Variants in PHF19 observed in about 807,000 individuals in gnomAD.
The protein encoded by PHF19 is PHD finger protein 19, also known as polycomb like 3.
Under a neutral mutation model 79.8 loss-of-function variants are expected in PHF19, and 21 were observed. The observed-to-expected ratio is 0.26, with a 90% CI of 0.19 to 0.38. The LOEUF (loss-of-function observed/expected upper bound fraction) is 0.38, where lower values mean the gene tolerates loss of function less well. Among genes scored for constraint, PHF19 ranks in the 10% least tolerant of loss-of-function variants. PHF19 has a pLI of 1.00. For missense variants in PHF19, 445 were observed against 744.2 expected (o/e 0.60, Z 4.68); for synonymous variants, 273 against 296.3 (o/e 0.92, Z 0.81).
At chr9:120,878,686 C>T (rs2131578643), upstream of PHF19, among the ~76,000 whole-genome samples, 1 of 152,330 alleles carries the variant, frequency 6.6e-6, no homozygotes, top group Non-Finnish European at 1.5e-5. Context: ...CCCCTGCTCT[C>T]ACCTGCCTCA....
At chr9:120,888,034 ACG>A (rs1300791126) in intron 1 of PHF19, among the ~76,000 whole-genome samples, 54 of 152,256 alleles carry the variant, frequency 3.5e-4, no homozygotes, top group Non-Finnish European at 5.7e-4. Flanking sequence ...GTGCAGTCGC[ACG>A]ATCTCAGCTC....
chr9:120,856,138 TG>T lies in PHF19; in HGVS notation c.*1805del, dbSNP rs955685497. ...TAGTTGGCCCCTGTGGCAGCAGCTG[TG>T]GGGCTGAAAAGGGGGAAGAACTGGG... On this transcript the variant is annotated 3_prime_UTR_variant, in exon 15 of 15. Transcript: ENST00000373896. 2 of 152,650 alleles carry T rather than the reference TG, an allele frequency of 1.3e-5. No individual in the cohort carries two copies. Among genetic ancestry groups the T allele is most frequent in the Non-Finnish European group, 1.5e-5 (1 of 68,142 alleles). 9.5% of individuals were successfully genotyped at this position (152,650 alleles called of 1,614,324 possible).
At chr9:120,898,092 T>A (rs1297579617), upstream of PHF19, among the ~76,000 whole-genome samples, 1 of 152,158 alleles carries the variant, frequency 6.6e-6, no homozygotes, top group Admixed American at 6.5e-5. Flanking sequence ...ACATTTCACG[T>A]GTTGTGTGAG....
At chr9:120,877,749 T>C (rs2046110292), upstream of PHF19, among the ~76,000 whole-genome samples, 2 of 152,140 alleles carry the variant, frequency 1.3e-5, no homozygotes, top group African/African-American at 2.4e-5. Flanking sequence ...ACAAGTATAA[T>C]GTAGATACAC....
At chr9:120,888,729 G>A (rs923019777) in intron 1 of PHF19, among the ~76,000 whole-genome samples, 11 of 152,206 alleles carry the variant, frequency 7.2e-5, no homozygotes, top group African/African-American at 2.7e-4. Flanking sequence ...ATGAACAAGA[G>A]GCTGGAGAAC....
rs116006797 is a variant in PHF19 at position 120,883,480 on chromosome 9, C to T, written c.43-8724G>A. 5.3e-3 allele frequency among the ~76,000 whole-genome samples: 807 copies of T among 152,296 alleles called. 4 individuals are homozygous for T. The highest frequency in any genetic ancestry group is 0.018 in the African/African-American group (758 of 41,556). ...GATCTCAGGAAGCTCCCGGTCCAGC[C>T]GGGCACGGTGGCTCATGCCTGAAAT... On this transcript the variant is annotated intron_variant, in intron 1 of 14. Transcript: ENST00000616568.
intron 1 of PHF19, among the ~76,000 whole-genome samples, chr9:120,882,750 G>A (rs953594723): frequency 2.1e-4 from 32 of 150,694 alleles, no homozygotes; most frequent in African/African-American, 7.6e-4. Flanking sequence ...GCTGAGGCAG[G>A]AGAATCTCTT....
At chr9:120,858,534 G>A (rs982873179) in intron 14 of PHF19, among the ~76,000 whole-genome samples, 1 of 152,102 alleles carries the variant, frequency 6.6e-6, no homozygotes, top group African/African-American at 2.4e-5. Context: ...GGAAACTGAG[G>A]GTCCAGAGGA....
chr9:120,894,457 G>A (rs1267931111), intron 1 of PHF19, among the ~76,000 whole-genome samples: 7 of 152,204 alleles, frequency 4.6e-5, no homozygotes, highest in African/African-American at 1.7e-4. Flanking sequence ...CGGAATCCTT[G>A]GGATTCTGGC....
chr9:120,877,633 C>CA (rs2046108221), upstream of PHF19, among the ~76,000 whole-genome samples: 1 of 152,194 alleles, frequency 6.6e-6, no homozygotes, highest in Non-Finnish European at 1.5e-5. Context: ...CACAGACACA[C>CA]AGCAGGGCGG....
upstream of PHF19, among the ~76,000 whole-genome samples, chr9:120,879,325 A>G (rs907398104): frequency 1.4e-4 from 21 of 152,230 alleles, no homozygotes; most frequent in African/African-American, 5.1e-4. Context: ...GATGAGAGAC[A>G]AGGAACTGGC....
Position 120,862,677 on chromosome 9 carries a change from C to A in PHF19, c.1041G>T (p.Pro347=), listed in dbSNP as rs548342099. The change falls in exon 11 of 15, where the codon CCG becomes CCT. Residue 347 remains proline, a synonymous_variant. Transcript: ENST00000373896. The surrounding 1 kb of genome is among the most constrained non-coding windows in gnomAD (Gnocchi z 4.6). ...CTTTGTCAGGCAGCAGCTTCCCTGG[C>A]GGGTTGGGTGGGACGCGGATGCGCA... ...FRLRIRVPPN[P]PGKLLPDKGL... 2.5e-6 allele frequency: 4 copies of A among 1,614,170 alleles called. No homozygotes were observed. Among genetic ancestry groups the A allele is most frequent in the South Asian group, 1.1e-5 (1 of 91,082 alleles).
chr9:120,890,043 C>G (rs1330875854), intron 1 of PHF19, among the ~76,000 whole-genome samples: 1 of 152,164 alleles, frequency 6.6e-6, no homozygotes, highest in Non-Finnish European at 1.5e-5. Context: ...ATTTTGAGCC[C>G]TGGAGGGCAG....
chr9:120,860,285 G>A lies in PHF19; in HGVS notation c.1305-100C>T, dbSNP rs1283783694. ...CCTAACATGCATCCTTCATCCCAGT[G>A]GAGGCCCGTCTTCCCACAGCTGAGC... On this transcript the variant is annotated intron_variant, in intron 13 of 14. Transcript: ENST00000373896. The surrounding 1 kb of genome is among the most constrained non-coding windows in gnomAD (Gnocchi z 4.1). 2 of 689,206 alleles carry A rather than the reference G, an allele frequency of 2.9e-6. No individual in the cohort carries two copies. The highest frequency in any genetic ancestry group is 5.3e-6 in the Non-Finnish European group (2 of 375,756). The allele number at this position is 689,206 out of a possible 1,614,324, so 42.7% of individuals were successfully genotyped here.
intron 6 of PHF19, among the ~76,000 whole-genome samples, chr9:120,867,879 A>G (rs1388372460): frequency 1.3e-5 from 2 of 152,186 alleles, no homozygotes; most frequent in South Asian, 2.1e-4. Context: ...TCCTTCCACA[A>G]TGCCACGTGC....
At chr9:120,888,099 A>G (rs529832306) in intron 1 of PHF19, among the ~76,000 whole-genome samples, 1 of 152,282 alleles carries the variant, frequency 6.6e-6, no homozygotes, top group South Asian at 2.1e-4. Context: ...CAGCCTCCCA[A>G]GTAGCTGGGA....
At chr9:120,864,512 G>C (rs529200564) in intron 9 of PHF19, among the ~76,000 whole-genome samples, 1 of 152,116 alleles carries the variant, frequency 6.6e-6, no homozygotes, top group Admixed American at 6.6e-5. Flanking sequence ...AAGGAAACAA[G>C]TAAACTATGG....
At chr9:120,902,136 T>C in the PHF19 span, among the ~76,000 whole-genome samples, 5 of 152,226 alleles carry the variant, frequency 3.3e-5, no homozygotes, top group Non-Finnish European at 7.3e-5. Context: ...GAAACCTGAA[T>C]GGCTTCCCGT....
rs761746917 is a variant in PHF19 at position 120,874,620 on chromosome 9, G to A, written c.122C>T (p.Thr41Met). 2.1e-5 allele frequency: 34 copies of A among 1,613,776 alleles called. No individual in the cohort carries two copies. Among genetic ancestry groups the A allele is most frequent in the Admixed American group, 3.3e-5 (2 of 60,002 alleles). Residue 41 changes from threonine (T) to methionine (M), a missense_variant, in exon 2 of 15, where the codon ACG becomes ATG. Thr to Met is a moderately conservative substitution (Grantham distance 81). This residue lies in a region of PHF19 where 50 missense variants were observed against 54.8 expected (regional missense o/e 0.91). Transcript: ENST00000373896. This position sits in a 1 kb window ranked among gnomAD's most constrained non-coding sequence, Gnocchi z 4.5. The part of the protein sequence containing the change: ...NNFKDLMSKL[T>M]EGQYVLCRWT... ...CCGGCACAGCACATACTGGCCCTCC[G>A]TCAGTTTGGACATCAAGTCTTTGAA...
Sources: gnomAD v4.1 joint callset for allele counts (sites outside exome capture counted in the v4.1 genomes callset) on GRCh38, gnomAD v4.1.1 for gene constraint, gnomAD v4.1.1 regional missense constraint, Gnocchi (gnomAD v3.1) non-coding constraint, MANE v1.5 for transcripts, NCBI Gene and HGNC (gene_info 2026-07-23, HGNC 2026-07-21) for gene names.